The following SMOC2 variants were observed in gnomAD, a reference collection of about 807,000 sequenced individuals.
SMOC2 encodes SPARC-related modular calcium-binding protein 2.
In SMOC2, 39 loss-of-function variants were observed where a neutral mutation model predicts 61.4. The observed-to-expected ratio is 0.64, with a 90% CI of 0.49 to 0.83. SMOC2 has a LOEUF of 0.83. SMOC2 is among the 40% of genes least tolerant of loss of function. SMOC2 has a pLI of 0.00. For missense variants in SMOC2, 556 were observed against 592.9 expected, an observed-to-expected ratio of 0.94 and a Z score of 0.65; for synonymous variants, 247 against 239.9, an observed-to-expected ratio of 1.03 and a Z score of -0.27.
rs967730231 is a variant in SMOC2, at chr6:168,667,774, ATGT to A, written c.*1340_*1342del. On this transcript the variant is annotated 3_prime_UTR_variant, in exon 13 of 13. Transcript: ENST00000356284. ...ACATGCCTTGTAGAATGATTTTGTG[ATGT>A]TGTGATGCTTGTGGAGCATCGCGTA... The A allele has an allele frequency of 5.9e-5, 9 of 152,116 alleles. No individual in the cohort carries two copies. The highest frequency in any genetic ancestry group is 9.7e-5 in the African/African-American group (4 of 41,424). 9.4% of individuals were successfully genotyped at this position (152,116 alleles called of 1,614,324 possible).
rs1193957826 is a variant in SMOC2, at chr6:168,608,230, C to T, written c.898C>T (p.Gln300Ter). The T allele has an allele frequency of 6.2e-7, 1 of 1,612,550 alleles. No individual in the cohort carries two copies. Among genetic ancestry groups the T allele is most frequent in the Admixed American group, 1.7e-5 (1 of 59,838 alleles). The change falls in exon 9 of 13, where the codon CAG becomes TAG. Residue 300 changes from glutamine (Q) to a stop codon, truncating the protein, a stop_gained. Coordinates refer to ENST00000356284, the MANE Select transcript of SMOC2 (RefSeq NM_001166412.2). LOFTEE classifies it high-confidence loss of function. ...AGCCCGGGACCTGTACAAGGGCCGC[C>T]AGCTACAAGGTGAGCAGCACCCGCG... ...AKARDLYKGRQLQGCPGAKKH... is the reference protein window; with the variant it reads ...AKARDLYKGR
At chr6:168,473,985 C>A (rs1383104745) in intron 1 of SMOC2, among the ~76,000 whole-genome samples, 4 of 152,150 alleles carry the variant, frequency 2.6e-5, no homozygotes. Context: ...CTTACCACAT[C>A]TCAGTCCCTT....
At chr6:168,449,723 T>A (rs1212962025) in intron 1 of SMOC2, among the ~76,000 whole-genome samples, 1 of 152,204 alleles carries the variant, frequency 6.6e-6, no homozygotes, top group African/African-American at 2.4e-5. Context: ...GCTGTCCAGC[T>A]CCCTGTGTGT....
At chr6:168,472,423 C>T (rs903786609) in intron 1 of SMOC2, among the ~76,000 whole-genome samples, 1 of 151,988 alleles carries the variant, frequency 6.6e-6, no homozygotes. Flanking sequence ...ATTTTTATGC[C>T]CTCTTCCACT....
chr6:168,583,469 G>A (rs1373705927), intron 7 of SMOC2, among the ~76,000 whole-genome samples: 6 of 152,362 alleles, frequency 3.9e-5, no homozygotes, highest in African/African-American at 1.2e-4. Context: ...AACGCACAAT[G>A]TCTGTGTATT....
At chr6:168,601,216 C>T (rs1390471098) in intron 8 of SMOC2, among the ~76,000 whole-genome samples, 1 of 152,204 alleles carries the variant, frequency 6.6e-6, no homozygotes. Context: ...TCACCAAGAT[C>T]GGGTCCACCC....
chr6:168,544,452 C>T lies in SMOC2; in HGVS notation c.511+780C>T. Among the ~76,000 whole-genome samples, 1 of 152,158 alleles carries T rather than the reference C, an allele frequency of 6.6e-6. No homozygotes were observed. Among genetic ancestry groups the T allele is most frequent in the Non-Finnish European group, 1.5e-5 (1 of 68,032 alleles). ...ACAGACCAGGCCGAGGCAGGCAGATCACCTGAGGTCAGGAGTTTGAGACCA... is the reference window on the plus strand; with the variant it reads ...ACAGACCAGGCCGAGGCAGGCAGATTACCTGAGGTCAGGAGTTTGAGACCA... On this transcript the variant is annotated intron_variant, in intron 5 of 12. Transcript: ENST00000356284. This position sits in a 1 kb window ranked among gnomAD's most constrained non-coding sequence, Gnocchi z 4.1.
At chr6:168,448,553 ATGGGGAGGAGGACAGAAC>A (rs1233037766) in intron 1 of SMOC2, among the ~76,000 whole-genome samples, 22 of 114,872 alleles carry the variant, frequency 1.9e-4, no homozygotes, top group Non-Finnish European at 3.2e-4. Context: ...GAGGACGGAG[ATGGGGAGGAGGACAGAAC>A]TGGGGAGGAG....
At chr6:168,547,008 T>G in intron 5 of SMOC2, 111 bp from the exon 6 acceptor site, 1 of 1,319,580 alleles carries the variant, frequency 7.6e-7, no homozygotes, top group Admixed American at 1.7e-5. Context: ...GCTGTTGTGG[T>G]TGATCTGTGG....
chr6:168,559,710 T>C (rs564827417), intron 7 of SMOC2, among the ~76,000 whole-genome samples: 1 of 152,236 alleles, frequency 6.6e-6, no homozygotes, highest in South Asian at 2.1e-4. Flanking sequence ...CAACCGCACC[T>C]TGTTCTATCA....
intron 7 of SMOC2, 109 bp downstream of exon 7, chr6:168,549,312 A>G: frequency 1.0e-6 from 1 of 1,002,216 alleles, no homozygotes; most frequent in East Asian, 2.5e-5. Flanking sequence ...CTTGAACAAC[A>G]TGGGGGTGAG....
chr6:168,591,266 G>C (rs1270173532), intron 7 of SMOC2, among the ~76,000 whole-genome samples: 1 of 152,234 alleles, frequency 6.6e-6, no homozygotes, highest in Non-Finnish European at 1.5e-5. Context: ...CCAGGGATCT[G>C]AGCCACAGAC....
intron 1 of SMOC2, among the ~76,000 whole-genome samples, chr6:168,444,330 G>A (rs144503397): frequency 1.2e-4 from 18 of 152,144 alleles, no homozygotes; most frequent in Middle Eastern, 3.4e-3. Flanking sequence ...TCAGGACCAC[G>A]CATTTGTCTT....
intron 1 of SMOC2, among the ~76,000 whole-genome samples, chr6:168,466,197 G>C (rs917838759): frequency 4.0e-5 from 6 of 150,248 alleles, no homozygotes; most frequent in African/African-American, 1.5e-4. Flanking sequence ...AACATTGGGG[G>C]CTCTGAATGA....
intron 11 of SMOC2, among the ~76,000 whole-genome samples, chr6:168,660,054 C>T (rs1787469209): frequency 1.4e-4 from 1 of 7,036 alleles, no homozygotes. Context: ...TGTAGGTTGG[C>T]CTGAATAGGA....
In SMOC2 at chr6:168,509,989, C is replaced by T. The variant is rs149109716; in HGVS notation, c.159C>T (p.Cys53=). 9.6e-4 allele frequency: 1,547 copies of T among 1,614,122 alleles called. 6 individuals are homozygous for T. The highest frequency in any genetic ancestry group is 2.5e-3 in the South Asian group (231 of 91,078). Reference sequence around the variant, plus strand: ...CGGGTTCGCCCCAGAAACCTCTCTGCGCATCTGACGGAAGGACCTTCCTTT... The same window carrying T: ...CGGGTTCGCCCCAGAAACCTCTCTGTGCATCTGACGGAAGGACCTTCCTTT... ...DCAGSPQKPL[C]ASDGRTFLSR... Residue 53 remains cysteine (C), a synonymous_variant, in exon 2 of 13, where the codon TGC becomes TGT. Transcript: ENST00000356284.
Position 168,642,443 on chromosome 6 carries a change from T to G in SMOC2, c.908-8238T>G, listed in dbSNP as rs376705842. On this transcript the variant is annotated intron_variant, in intron 9 of 12. Coordinates refer to ENST00000356284, the MANE Select transcript of SMOC2 (RefSeq NM_001166412.2). Reference sequence around the variant, plus strand: ...TACACAGAAACCTTTAGGCTGAACTTAAATATATAAGGAGGCAGCTTCAGG... The same window carrying G: ...TACACAGAAACCTTTAGGCTGAACTGAAATATATAAGGAGGCAGCTTCAGG... 1.1e-4 allele frequency among the ~76,000 whole-genome samples: 17 copies of G among 152,326 alleles called. 1 individual carries two copies. In the East Asian group the frequency reaches 2.7e-3, roughly 24 times the overall value.
intron 7 of SMOC2, among the ~76,000 whole-genome samples, chr6:168,581,773 C>T (rs1025715732): frequency 9.9e-5 from 15 of 152,158 alleles, no homozygotes; most frequent in Non-Finnish European, 1.8e-4. Context: ...TGCCTGGGAC[C>T]CCGCTGCCTC....
chr6:168,456,884 G>A (rs1208628192), intron 1 of SMOC2, among the ~76,000 whole-genome samples: 3 of 152,180 alleles, frequency 2.0e-5, no homozygotes, highest in Admixed American at 6.5e-5. Context: ...CATGTCCACC[G>A]AGGTGAATGA....
Sources: gnomAD v4.1 joint callset for allele counts (sites outside exome capture counted in the v4.1 genomes callset) on GRCh38, gnomAD v4.1.1 for gene constraint, Gnocchi (gnomAD v3.1) non-coding constraint, MANE v1.5 for transcripts, NCBI Gene and HGNC (gene_info 2026-07-23, HGNC 2026-07-21) for gene names.